Variants in SH3BP2 observed in about 807,000 individuals in gnomAD.
The protein encoded by SH3BP2 is SH3 domain binding protein 2.
In SH3BP2, 38 loss-of-function variants were observed where a neutral mutation model predicts 56.2. The ratio of observed to expected loss-of-function variants is 0.68; its 90% CI spans 0.52 to 0.89. The LOEUF is 0.89. SH3BP2 is among the 40% of genes least tolerant of loss of function. The probability of loss-of-function intolerance (pLI) is 0.00; values close to 1 mark genes in which losing one functional copy is unlikely to be tolerated. For missense variants in SH3BP2, 748 were observed against 762.6 expected (o/e 0.98, Z 0.23); for synonymous variants, 346 against 316.7 (o/e 1.09, Z -0.98).
At position 2,833,723 on chromosome 4, in the gene SH3BP2, G is replaced by T; in HGVS notation, c.1575G>T (p.Glu525Asp). 6.2e-7 allele frequency: 1 copy of T among 1,610,434 alleles called. No individual in the cohort carries two copies. Among genetic ancestry groups the T allele is most frequent in the East Asian group, 2.2e-5 (1 of 44,788 alleles). ...EKDSKFYLEG[E>D]VLFVSVGSMV... ...ACTCTAAGTTCTACCTGGAGGGCGA[G>T]GTCCTGTTTGTGAGTGTGGGCAGCA... The change falls in exon 13 of 13, where the codon GAG becomes GAT. Residue 525 changes from glutamate to aspartate, a missense_variant. Glu to Asp is a conservative substitution (Grantham distance 45). This residue lies in a region of SH3BP2 where 635 missense variants were observed against 615.0 expected (regional missense o/e 1.03). Coordinates refer to ENST00000503393, the MANE Select transcript of SH3BP2 (RefSeq NM_001122681.2).
chr4:2,807,333 C>T (rs763290153), intron 1 of SH3BP2, among the ~76,000 whole-genome samples: 2 of 152,212 alleles, frequency 1.3e-5, no homozygotes, highest in African/African-American at 2.4e-5. Flanking sequence ...GTTACAACCT[C>T]GCTGGGGTCT....
At chr4:2,815,892 G>A (rs1723972493) in intron 1 of SH3BP2, among the ~76,000 whole-genome samples, 2 of 152,334 alleles carry the variant, frequency 1.3e-5, no homozygotes, top group South Asian at 2.1e-4. Flanking sequence ...CTAGCCCCAA[G>A]GGAGGGACAC....
rs1036292858 is a variant in SH3BP2 at position 2,839,540 on chromosome 4, C to G, written c.*5706C>G. ...TGTATTGCAAATATCTTCTCTAACT[C>G]TGGCTTGACTGTTTATGGTGTCCTT... On this transcript the variant is annotated 3_prime_UTR_variant, in exon 13 of 13. Transcript: ENST00000503393. 12 of 152,090 alleles carry G rather than the reference C, an allele frequency of 7.9e-5. 1 individual carries two copies. The highest frequency in any genetic ancestry group is 2.9e-4 in the African/African-American group (12 of 41,484). 9.4% of individuals were successfully genotyped at this position (152,090 alleles called of 1,614,324 possible). A position where few individuals can be genotyped will look rare whatever the true frequency, so the allele number is the denominator to read the frequency against.
At chr4:2,803,062 C>A (rs1017201356) in intron 1 of SH3BP2, among the ~76,000 whole-genome samples, 1 of 152,222 alleles carries the variant, frequency 6.6e-6, no homozygotes, top group African/African-American at 2.4e-5. Flanking sequence ...TTTGTGCGGT[C>A]CAAGGGAGGC....
intron 1 of SH3BP2, among the ~76,000 whole-genome samples, chr4:2,817,215 G>T (rs1414889870): frequency 6.6e-6 from 1 of 152,262 alleles, no homozygotes; most frequent in Non-Finnish European, 1.5e-5. Context: ...GCACTGAGCA[G>T]TGATGGGAAT....
At chr4:2,825,039 C>A in intron 4 of SH3BP2, 87 bp from the exon 5 acceptor site, 1 of 1,265,578 alleles carries the variant, frequency 7.9e-7, no homozygotes, top group Non-Finnish European at 1.1e-6. Context: ...GGAGTCACAG[C>A]AGAGCAGGCA....
Position 2,830,149 on chromosome 4 carries a change from TGA to T in SH3BP2, c.1241+4_1241+5del. The T allele has an allele frequency of 1.9e-6, 3 of 1,598,092 alleles. No homozygotes were observed. In the South Asian group the frequency reaches 3.3e-5, roughly 18 times the overall value. ...GAAGCCGCAGCTCCCGCACCTCCAG[TGA>T]GTTTGTGTGGCGGCTGCAAGCCCTG... On this transcript the variant is annotated splice_donor_region_variant and intron_variant, in intron 8 of 12. Transcript: ENST00000503393.
chr4:2,831,802 C>G lies in SH3BP2; in HGVS notation c.1351-121C>G. On this transcript the variant is annotated intron_variant, in intron 9 of 12. Transcript: ENST00000503393. This position sits in a 1 kb window ranked among gnomAD's most constrained non-coding sequence, Gnocchi z 4.1. ...CAAGGACCCCCCGAGAACCCGGGAGCCTAGGGGGACACAGCACCATGTAAA... is the reference window on the plus strand; with the variant it reads ...CAAGGACCCCCCGAGAACCCGGGAGGCTAGGGGGACACAGCACCATGTAAA... The G allele has an allele frequency of 7.3e-7, 1 of 1,360,776 alleles. No homozygotes were observed. The highest frequency in any genetic ancestry group is 1.0e-6 in the Non-Finnish European group (1 of 970,924). The allele number at this position is 1,360,776 out of a possible 1,614,324, so 84.3% of individuals were successfully genotyped here.
intron 5 of SH3BP2, among the ~76,000 whole-genome samples, chr4:2,826,091 C>G (rs985287244): frequency 2.0e-5 from 3 of 152,256 alleles, no homozygotes; most frequent in Non-Finnish European, 4.4e-5. Context: ...CCAGAGTCGC[C>G]CAAGCCCTCT....
At chr4:2,803,012 G>A (rs1723374341) in intron 1 of SH3BP2, among the ~76,000 whole-genome samples, 1 of 152,266 alleles carries the variant, frequency 6.6e-6, no homozygotes, top group African/African-American at 2.4e-5. Context: ...GCCGTAAAGT[G>A]CCTGGGCTGA....
At chr4:2,800,236 C>T (rs770552370) in intron 1 of SH3BP2, among the ~76,000 whole-genome samples, 7 of 152,218 alleles carry the variant, frequency 4.6e-5, no homozygotes, top group African/African-American at 7.2e-5. Flanking sequence ...TGACTGTCCC[C>T]GGCTCAGTCT....
intron 6 of SH3BP2, 86 bp from the exon 7 acceptor site, chr4:2,827,520 C>A (rs1724736320): frequency 1.4e-6 from 2 of 1,432,618 alleles, no homozygotes. Context: ...CCCCTTGCCT[C>A]CTGGACTCAG....
At position 2,833,892 on chromosome 4, in the gene SH3BP2, C is replaced by T; in HGVS notation, c.*58C>T. On this transcript the variant is annotated 3_prime_UTR_variant, in exon 13 of 13. Coordinates refer to ENST00000503393, the MANE Select transcript of SH3BP2 (RefSeq NM_001122681.2). ...TCACAGGGGCCCTGACCCCAGGCCACACAGACGGACATGGGCCCACATGGG... is the reference window on the plus strand; with the variant it reads ...TCACAGGGGCCCTGACCCCAGGCCATACAGACGGACATGGGCCCACATGGG... 1 of 1,511,144 alleles carries T rather than the reference C, an allele frequency of 6.6e-7. No homozygotes were observed. The highest frequency in any genetic ancestry group is 8.9e-7 in the Non-Finnish European group (1 of 1,128,844). The allele number at this position is 1,511,144 out of a possible 1,614,324, so 93.6% of individuals were successfully genotyped here.
intron 1 of SH3BP2, chr4:2,798,504 G>T (rs748172321): frequency 6.6e-6 from 1 of 152,288 alleles, no homozygotes; most frequent in African/African-American, 2.4e-5. Flanking sequence ...CAGGAAACTC[G>T]GCACTCATCT....
chr4:2,802,552 A>ATGTATGTGGTG (rs1723340603), intron 1 of SH3BP2, among the ~76,000 whole-genome samples: 1 of 141,170 alleles, frequency 7.1e-6, no homozygotes, highest in Non-Finnish European at 1.5e-5. Context: ...GTGTATATAT[A>ATGTATGTGGTG]TGTGTATATA....
chr4:2,832,047 A>G, intron 10 of SH3BP2, 69 bp downstream of exon 10: 3 of 1,522,132 alleles, frequency 2.0e-6, no homozygotes, highest in African/African-American at 2.7e-5. Context: ...TGTCCCTCTC[A>G]CTAGCTTCCG....
In SH3BP2 at chr4:2,831,946, C is replaced by T. The variant is rs748346628; in HGVS notation, c.1374C>T (p.Phe458=). 2.5e-5 allele frequency: 41 copies of T among 1,612,924 alleles called. No individual in the cohort carries two copies. The highest frequency in any genetic ancestry group is 1.8e-4 in the East Asian group (8 of 44,890). ...YEKVPLPNSV[F]VNTTESCEVE... is the part of the protein sequence containing the mutation. Reference sequence around the variant, plus strand: ...AGGTGCCACTGCCCAACTCGGTCTTCGTCAACACCACGGAGTCCTGCGAAG... The same window carrying T: ...AGGTGCCACTGCCCAACTCGGTCTTTGTCAACACCACGGAGTCCTGCGAAG... Residue 458 remains phenylalanine, a synonymous_variant, in exon 10 of 13, where the codon TTC becomes TTT. Coordinates refer to ENST00000503393, the MANE Select transcript of SH3BP2 (RefSeq NM_001122681.2). The surrounding 1 kb of genome is among the most constrained non-coding windows in gnomAD (Gnocchi z 4.1).
At position 2,810,317 on chromosome 4, in the gene SH3BP2, C is replaced by A. The variant is rs148501047; in HGVS notation, c.-4-10297C>A. Reference sequence around the variant, plus strand: ...CTGCTCCTCTCCTCTGGGCTGGACTCCCCCTGTAGCATCACAGCATTGGAC... The same window carrying A: ...CTGCTCCTCTCCTCTGGGCTGGACTACCCCTGTAGCATCACAGCATTGGAC... On this transcript the variant is annotated intron_variant, in intron 1 of 12. Coordinates refer to ENST00000503393, the MANE Select transcript of SH3BP2 (RefSeq NM_001122681.2). The surrounding 1 kb of genome is among the most constrained non-coding windows in gnomAD (Gnocchi z 4.2). Among the ~76,000 whole-genome samples the A allele has an allele frequency of 9.2e-4, 140 of 151,596 alleles. No individual in the cohort carries two copies. The highest frequency in any genetic ancestry group is 3.1e-3 in the African/African-American group (128 of 41,336).
chr4:2,808,088 G>A (rs546562502), intron 1 of SH3BP2, among the ~76,000 whole-genome samples: 9 of 134,162 alleles, frequency 6.7e-5, no homozygotes, highest in South Asian at 2.6e-4. Context: ...CACACACGAG[G>A]GGCCTGAAAA....
Sources: allele counts gnomAD v4.1 joint callset (sites outside exome capture counted in the v4.1 genomes callset), GRCh38; gene constraint gnomAD v4.1.1; regional missense constraint gnomAD v4.1.1; non-coding constraint Gnocchi (gnomAD v3.1); transcripts MANE v1.5; gene names NCBI Gene and HGNC (gene_info 2026-07-23, HGNC 2026-07-21).